CNTN5: variants seen among roughly 807,000 people sequenced by gnomAD.
CNTN5 encodes the protein contactin-5.
Under a neutral mutation model 129.1 loss-of-function variants are expected in CNTN5, and 77 were observed. The observed-to-expected ratio is 0.60, with a 90% confidence interval of 0.50 to 0.72. The LOEUF is 0.72. Among genes scored for constraint, CNTN5 ranks in the 30% least tolerant of loss-of-function variants. CNTN5 has a pLI of 0.00. For synonymous variants in CNTN5, 509 were observed against 465.6 expected, an observed-to-expected ratio of 1.09 and a Z score of -1.20; for missense variants, 1,478 against 1,328.8, an observed-to-expected ratio of 1.11 and a Z score of -1.75.
chr11:99,364,992 T>C (rs1447823684), intron 2 of CNTN5, among the ~76,000 whole-genome samples: 3 of 152,246 alleles, frequency 2.0e-5, no homozygotes, highest in South Asian at 2.1e-4. Context: ...GACAGTACTA[T>C]AGAGGCTGTT....
chr11:99,860,450 A>C (rs1394101574), intron 6 of CNTN5, among the ~76,000 whole-genome samples: 1 of 152,130 alleles, frequency 6.6e-6, no homozygotes, highest in Non-Finnish European at 1.5e-5. Context: ...TCTTACATTT[A>C]AGTCTTTAAT....
In CNTN5 at chr11:100,350,818, T is replaced by C; in HGVS notation, c.3147T>C (p.Ser1049=). The part of the protein sequence containing the change: ...GVYIIEVRAY[S]EGGDGTASSQ... Reference sequence around the variant, plus strand: ...ATATTATTGAAGTTCGAGCATATAGTGAAGGAGGAGATGGAACAGCTAGTT... The same window carrying C: ...ATATTATTGAAGTTCGAGCATATAGCGAAGGAGGAGATGGAACAGCTAGTT... Residue 1049 remains serine, a synonymous_variant, in exon 24 of 25, where the codon AGT becomes AGC. Coordinates refer to ENST00000524871, the MANE Select transcript of CNTN5 (RefSeq NM_014361.4). 6.2e-7 allele frequency: 1 copy of C among 1,603,232 alleles called. No homozygotes were observed. Among genetic ancestry groups the C allele is most frequent in the South Asian group, 1.1e-5 (1 of 89,372 alleles).
intron 2 of CNTN5, among the ~76,000 whole-genome samples, chr11:99,521,768 GT>G (rs1392868214): frequency 3.3e-5 from 5 of 152,184 alleles, no homozygotes; most frequent in African/African-American, 1.2e-4. Context: ...TAGAGCATCA[GT>G]AATCAGTCTT....
chr11:99,626,798 C>T (rs634011), intron 3 of CNTN5, among the ~76,000 whole-genome samples: 92,893 of 151,848 alleles, frequency 0.61, 29,293 homozygotes, highest in Admixed American at 0.74. Flanking sequence ...CACAGTGAAA[C>T]GATACTCAAG....
chr11:100,177,416 G>A, intron 13 of CNTN5, among the ~76,000 whole-genome samples: 1 of 152,022 alleles, frequency 6.6e-6, no homozygotes, highest in East Asian at 1.9e-4. Flanking sequence ...GGTACCTGAG[G>A]GTAGGAACTG....
chr11:99,149,169 C>A (rs183053129), intron 1 of CNTN5, among the ~76,000 whole-genome samples: 1 of 152,202 alleles, frequency 6.6e-6, no homozygotes, highest in African/African-American at 2.4e-5. Context: ...CCAACGAATG[C>A]ATTAACTTTA....
chr11:100,172,123 G>A (rs13377245), intron 13 of CNTN5, among the ~76,000 whole-genome samples: 5,526 of 151,950 alleles, frequency 0.036, 312 homozygotes, highest in African/African-American at 0.13. Context: ...AATTCAAAAT[G>A]CAAACGCAGT....
chr11:100,279,575 C>A (rs1322043952), intron 18 of CNTN5, among the ~76,000 whole-genome samples: 2 of 151,786 alleles, frequency 1.3e-5, no homozygotes, highest in Non-Finnish European at 2.9e-5. Flanking sequence ...TCCATTTCTT[C>A]TAGATATTCC....
At chr11:99,861,109 C>T (rs1486156806) in intron 6 of CNTN5, among the ~76,000 whole-genome samples, 1 of 152,032 alleles carries the variant, frequency 6.6e-6, no homozygotes, top group Non-Finnish European at 1.5e-5. Flanking sequence ...GCGCCAACCA[C>T]CAAGCCTGGC....
chr11:99,780,302 A>G (rs1945269045), intron 3 of CNTN5, among the ~76,000 whole-genome samples: 1 of 152,094 alleles, frequency 6.6e-6, no homozygotes, highest in African/African-American at 2.4e-5. Context: ...TCAATGCTGA[A>G]GAAGATCAGG....
intron 1 of CNTN5, among the ~76,000 whole-genome samples, chr11:99,167,624 A>G (rs780596800): frequency 7.9e-5 from 12 of 152,172 alleles, no homozygotes; most frequent in Non-Finnish European, 1.2e-4. Context: ...TACTCTCTTC[A>G]TAGTGATCCA....
chr11:99,496,244 G>A (rs1001552364), intron 2 of CNTN5, among the ~76,000 whole-genome samples: 4 of 152,104 alleles, frequency 2.6e-5, no homozygotes. Flanking sequence ...TAAGTGATGT[G>A]TCAAAGACTA....
intron 3 of CNTN5, among the ~76,000 whole-genome samples, chr11:99,780,883 T>A (rs957477589): frequency 3.3e-5 from 5 of 151,894 alleles, no homozygotes; most frequent in Admixed American, 2.0e-4. Flanking sequence ...TGAGAGAGAA[T>A]CCTTGGTAAA....
Position 99,616,111 on chromosome 11 carries a change from C to T in CNTN5, c.55+59842C>T, listed in dbSNP as rs370915284. On this transcript the variant is annotated intron_variant, in intron 3 of 24. Coordinates refer to ENST00000524871, the MANE Select transcript of CNTN5 (RefSeq NM_014361.4). ...ATTGTATGTTTTTAGTTCTGTGCAA[C>T]TTTATGACATTTATAGATTTGTATA... 3.3e-5 allele frequency among the ~76,000 whole-genome samples: 5 copies of T among 152,246 alleles called. No homozygotes were observed. In the South Asian group the frequency reaches 1.0e-3, roughly 32 times the overall value.
chr11:99,912,564 T>C (rs1949688889), intron 6 of CNTN5, among the ~76,000 whole-genome samples: 1 of 151,944 alleles, frequency 6.6e-6, no homozygotes, highest in Admixed American at 6.6e-5. Context: ...ATCTGATCAA[T>C]ATGGCTCAAA....
chr11:99,782,424 T>C (rs891951799), intron 3 of CNTN5, among the ~76,000 whole-genome samples: 7 of 150,018 alleles, frequency 4.7e-5, no homozygotes, highest in Admixed American at 4.6e-4. Flanking sequence ...ACAGATTCAA[T>C]GCCATCCCCA....
In CNTN5 at chr11:100,054,675, T is replaced by C. The variant is rs1034256613; in HGVS notation, c.981-6537T>C. 2.6e-5 allele frequency among the ~76,000 whole-genome samples: 4 copies of C among 151,928 alleles called. No homozygotes were observed. The South Asian group carries it at 8.3e-4, about 31-fold the overall frequency. On this transcript the variant is annotated intron_variant, in intron 9 of 24. Coordinates refer to ENST00000524871, the MANE Select transcript of CNTN5 (RefSeq NM_014361.4). Reference sequence around the variant, plus strand: ...TGGAAATTCCAAATATTTACTGTGTTGTTCTGTCAGTTACCCGTTTTCATT... The same window carrying C: ...TGGAAATTCCAAATATTTACTGTGTCGTTCTGTCAGTTACCCGTTTTCATT...
At chr11:99,283,457 T>C (rs1008282640) in intron 1 of CNTN5, among the ~76,000 whole-genome samples, 1 of 152,074 alleles carries the variant, frequency 6.6e-6, no homozygotes, top group African/African-American at 2.4e-5. Flanking sequence ...ATCTAGTTTT[T>C]GTTAAGAGTT....
chr11:99,457,046 T>C (rs922566658), intron 2 of CNTN5, among the ~76,000 whole-genome samples: 5 of 152,004 alleles, frequency 3.3e-5, no homozygotes, highest in Admixed American at 3.3e-4. Context: ...TAATCAATTA[T>C]GAATTAAGAA....
Sources: allele counts gnomAD v4.1 joint callset (sites outside exome capture counted in the v4.1 genomes callset), GRCh38; gene constraint gnomAD v4.1.1; transcripts MANE v1.5; gene names NCBI Gene and HGNC (gene_info 2026-07-23, HGNC 2026-07-21).